The following TGFA variants were observed in gnomAD, a reference collection of about 807,000 sequenced individuals.
TGFA encodes protransforming growth factor alpha.
Under a neutral mutation model 21.7 loss-of-function variants are expected in TGFA, and 12 were observed. The ratio of observed to expected loss-of-function variants is 0.55; its 90% CI spans 0.35 to 0.90. The LOEUF (loss-of-function observed/expected upper bound fraction) is 0.90. Ranked by LOEUF, TGFA falls within the 40% of genes least tolerant of loss-of-function variation. The pLI is 0.01. For missense variants in TGFA, 178 were observed against 210.8 expected (o/e 0.84, Z 0.96); for synonymous variants, 79 against 88.1 (o/e 0.90, Z 0.58).
At chr2:70,537,346 T>C (rs1673003886) in intron 1 of TGFA, among the ~76,000 whole-genome samples, 1 of 152,212 alleles carries the variant, frequency 6.6e-6, no homozygotes, top group Non-Finnish European at 1.5e-5. Flanking sequence ...CCTCTCAGTT[T>C]TGAAGTGAAA....
chr2:70,491,864 T>C lies in TGFA; in HGVS notation c.94+22995A>G, dbSNP rs530541633. Among the ~76,000 whole-genome samples the C allele has an allele frequency of 2.0e-5, 3 of 152,336 alleles. No homozygotes were observed. The South Asian group carries it at 6.2e-4, about 32-fold the overall frequency. On this transcript the variant is annotated intron_variant, in intron 2 of 5. Coordinates refer to ENST00000295400, the MANE Select transcript of TGFA (RefSeq NM_003236.4). ...TCCCAGGGCAGCACTCCACACATCA[T>C]AGAGTAAGAGTGCATAAAACCCACC...
intron 2 of TGFA, among the ~76,000 whole-genome samples, chr2:70,491,778 T>C (rs1165045398): frequency 2.6e-5 from 4 of 152,186 alleles, no homozygotes; most frequent in African/African-American, 4.8e-5. Context: ...CACATATGGC[T>C]TCCCTGCCCT....
At chr2:70,492,320 A>G (rs1671460191) in intron 2 of TGFA, among the ~76,000 whole-genome samples, 1 of 152,134 alleles carries the variant, frequency 6.6e-6, no homozygotes, top group Non-Finnish European at 1.5e-5. Flanking sequence ...CCCAGAGGAG[A>G]GGACTCTAGA....
chr2:70,486,602 C>T (rs570277729), intron 2 of TGFA, among the ~76,000 whole-genome samples: 1 of 152,206 alleles, frequency 6.6e-6, no homozygotes, highest in Non-Finnish European at 1.5e-5. Flanking sequence ...GCTGGGACTA[C>T]AGGTGCGCGC....
At chr2:70,519,039 G>T (rs1672372104) in intron 1 of TGFA, among the ~76,000 whole-genome samples, 1 of 152,210 alleles carries the variant, frequency 6.6e-6, no homozygotes, top group Admixed American at 6.5e-5. Flanking sequence ...TTGGATGAAG[G>T]ATGTTCTGGA....
intron 2 of TGFA, among the ~76,000 whole-genome samples, chr2:70,504,483 TACACACACACACACACAC>T (rs58997765): frequency 1.1e-5 from 1 of 92,100 alleles, no homozygotes; most frequent in Admixed American, 1.2e-4. Context: ...CATACATACA[TACACACACACACACACAC>T]ACACACACAC....
At chr2:70,504,209 C>T (rs926623744) in intron 2 of TGFA, among the ~76,000 whole-genome samples, 1 of 151,006 alleles carries the variant, frequency 6.6e-6, no homozygotes, top group East Asian at 1.9e-4. Context: ...CTCAGGAGTT[C>T]GAGATGAACC....
chr2:70,465,620 A>T lies in TGFA; in HGVS notation c.211T>A (p.Cys71Ser), dbSNP rs1553492059. 1 of 1,614,144 alleles carries T rather than the reference A, an allele frequency of 6.2e-7. No individual in the cohort carries two copies. Among genetic ancestry groups the T allele is most frequent in the Non-Finnish European group, 8.5e-7 (1 of 1,180,010 alleles). The change falls in exon 3 of 6, where the codon TGT (cysteine) becomes AGT (serine). Residue 71 changes from cysteine (C) to serine (S), a missense_variant. By Grantham distance (112) the Cys-to-Ser change is moderately radical. Transcript: ENST00000295400. ...RFLVQEDKPA[C>S]VCHSGYVGAR... is the part of the protein sequence containing the mutation. ...AGGAGAACAGGGGATACTTACACACATGCTGGCTTGTCCTCCTGCACCAAA... is the reference window on the plus strand; with the variant it reads ...AGGAGAACAGGGGATACTTACACACTTGCTGGCTTGTCCTCCTGCACCAAA...
At chr2:70,457,988 C>T (rs1670289775) in intron 3 of TGFA, among the ~76,000 whole-genome samples, 1 of 152,180 alleles carries the variant, frequency 6.6e-6, no homozygotes, top group African/African-American at 2.4e-5. Flanking sequence ...AGCCTCTAAC[C>T]TTCGCTTTTA....
intron 1 of TGFA, among the ~76,000 whole-genome samples, chr2:70,534,170 T>G (rs1014373603): frequency 6.6e-6 from 1 of 152,224 alleles, no homozygotes; most frequent in Non-Finnish European, 1.5e-5. Flanking sequence ...CTATTTTTGT[T>G]CTCATCTGCT....
rs373315184 is a variant in TGFA, at chr2:70,474,199, G to A, written c.95-8463C>T. On this transcript the variant is annotated intron_variant, in intron 2 of 5. Coordinates refer to ENST00000295400, the MANE Select transcript of TGFA (RefSeq NM_003236.4). ...CACCAAACATCAAAAGCACCCTGTGGGGTTAGCATTATTAGTCTCTATTTT... is the reference window on the plus strand; with the variant it reads ...CACCAAACATCAAAAGCACCCTGTGAGGTTAGCATTATTAGTCTCTATTTT... Among the ~76,000 whole-genome samples, 8 of 152,296 alleles carry A rather than the reference G, an allele frequency of 5.3e-5. No individual in the cohort carries two copies. In the East Asian group the frequency reaches 9.6e-4, roughly 18 times the overall value.
chr2:70,503,410 A>C (rs1574109818), intron 2 of TGFA, among the ~76,000 whole-genome samples: 1 of 116,122 alleles, frequency 8.6e-6, no homozygotes. Context: ...AACATCACAC[A>C]CCGGGGCCTG....
chr2:70,510,397 T>C (rs1672056451), intron 2 of TGFA, among the ~76,000 whole-genome samples: 1 of 152,196 alleles, frequency 6.6e-6, no homozygotes, highest in South Asian at 2.1e-4. Flanking sequence ...GTCAGCCTTA[T>C]AACCCTCCCC....
chr2:70,491,371 A>C (rs1251802886), intron 2 of TGFA, among the ~76,000 whole-genome samples: 3 of 152,166 alleles, frequency 2.0e-5, no homozygotes, highest in African/African-American at 7.2e-5. Context: ...TGGGGGGCCC[A>C]AAACCCTCCC....
intron 1 of TGFA, among the ~76,000 whole-genome samples, chr2:70,524,153 A>T (rs1672561403): frequency 6.6e-6 from 1 of 152,210 alleles, no homozygotes; most frequent in Non-Finnish European, 1.5e-5. Flanking sequence ...TTATAGAATA[A>T]GGCTGCCCAC....
intron 2 of TGFA, among the ~76,000 whole-genome samples, chr2:70,507,686 C>T (rs981269709): frequency 5.9e-5 from 9 of 152,178 alleles, no homozygotes; most frequent in Non-Finnish European, 8.8e-5. Context: ...CTAAGGAATT[C>T]GGTTCGCTAT....
intron 3 of TGFA, among the ~76,000 whole-genome samples, chr2:70,461,092 A>G (rs1670392771): frequency 6.6e-6 from 1 of 152,184 alleles, no homozygotes; most frequent in African/African-American, 2.4e-5. Flanking sequence ...AAGTATTAGT[A>G]TCCTCATTTT....
At chr2:70,547,899 A>G (rs1673365967) in intron 1 of TGFA, among the ~76,000 whole-genome samples, 1 of 149,968 alleles carries the variant, frequency 6.7e-6, no homozygotes, top group Non-Finnish European at 1.5e-5. Context: ...ATAGTATACT[A>G]TAAAGAATAG....
At chr2:70,478,153 C>G in intron 2 of TGFA, among the ~76,000 whole-genome samples, 1 of 152,162 alleles carries the variant, frequency 6.6e-6, no homozygotes, top group Non-Finnish European at 1.5e-5. Context: ...ACAAACCTCT[C>G]CAGGAGTAGT....
Sources: gnomAD v4.1 joint callset for allele counts (sites outside exome capture counted in the v4.1 genomes callset) on GRCh38, gnomAD v4.1.1 for gene constraint, MANE v1.5 for transcripts, NCBI Gene and HGNC (gene_info 2026-07-23, HGNC 2026-07-21) for gene names.